Variants in SFTPA1 observed in about 807,000 individuals in gnomAD.
The protein encoded by SFTPA1 is surfactant protein A1, also known as pulmonary surfactant-associated protein A1.
Under a neutral mutation model 19.1 loss-of-function variants are expected in SFTPA1, and 13 were observed. The ratio of observed to expected loss-of-function variants is 0.68; its 90% CI spans 0.44 to 1.08. The LOEUF (loss-of-function observed/expected upper bound fraction) is 1.08, where lower values mean the gene tolerates loss of function less well. Among genes scored for constraint, SFTPA1 ranks in the 50% least tolerant of loss-of-function variants. SFTPA1 has a pLI of 0.00. For missense variants in SFTPA1, 259 were observed against 316.4 expected, an observed-to-expected ratio of 0.82 and a Z score of 1.38; for synonymous variants, 101 against 117.0, an observed-to-expected ratio of 0.86 and a Z score of 0.88.
At position 79,614,154 on chromosome 10, in the gene SFTPA1, C is replaced by T. The variant is rs1405601095; in HGVS notation, c.*41C>T. ...TGGGACAGGGAGGACGCTCTCTGGCCTTCGGCCTCCATCCTGAGGCTCCAC... is the reference window on the plus strand; with the variant it reads ...TGGGACAGGGAGGACGCTCTCTGGCTTTCGGCCTCCATCCTGAGGCTCCAC... On this transcript the variant is annotated 3_prime_UTR_variant, in exon 6 of 6. Coordinates refer to ENST00000398636, the MANE Select transcript of SFTPA1 (RefSeq NM_005411.5). 7 of 1,614,160 alleles carry T rather than the reference C, an allele frequency of 4.3e-6. No individual in the cohort carries two copies. The highest frequency in any genetic ancestry group is 1.3e-5 in the African/African-American group (1 of 75,070).
Position 79,613,243 on chromosome 10 carries a change from A to G in SFTPA1, c.347A>G (p.His116Arg). The G allele has an allele frequency of 6.2e-7, 1 of 1,614,062 alleles. No individual in the cohort carries two copies. The highest frequency in any genetic ancestry group is 1.3e-5 in the African/African-American group (1 of 75,026). Residue 116 changes from histidine (H) to arginine (R), a missense_variant, in exon 5 of 6, where the codon CAT becomes CGT. Physicochemically the swap from His to Arg is conservative, Grantham distance 29. Coordinates refer to ENST00000398636, the MANE Select transcript of SFTPA1 (RefSeq NM_005411.5). ...ELQATLHDFR[H>R]QILQTRGALS... ...CAAGCCACACTCCACGACTTTAGACATCAAATCCTGCAGACAAGGGGAGGT... is the reference window on the plus strand; with the variant it reads ...CAAGCCACACTCCACGACTTTAGACGTCAAATCCTGCAGACAAGGGGAGGT...
intron 4 of SFTPA1, 92 bp from the exon 5 acceptor site, chr10:79,613,097 T>A (rs1318069771): frequency 6.2e-7 from 1 of 1,609,338 alleles, no homozygotes; most frequent in Non-Finnish European, 8.5e-7. Context: ...AAGGGCAGAG[T>A]TCCAGGATTG....
chr10:79,614,855 C>T lies in SFTPA1; in HGVS notation c.*742C>T, dbSNP rs1860077846. ...ACCCGAGTAACTTTCAACTGATGAA[C>T]AAATCTGCACCCTACTTCAGATTTC... is the stretch of plus-strand genomic sequence containing the variant. On this transcript the variant is annotated 3_prime_UTR_variant, in exon 6 of 6. Transcript: ENST00000398636. 3.3e-6 allele frequency: 2 copies of T among 614,370 alleles called. No homozygotes were observed. The highest frequency in any genetic ancestry group is 3.5e-5 in the Admixed American group (1 of 28,968). The allele number at this position is 614,370 out of a possible 1,614,324, so 38.1% of individuals were successfully genotyped here. A position where few individuals can be genotyped will look rare whatever the true frequency, so the allele number is the denominator to read the frequency against.
chr10:79,613,023 G>T (rs1321689731), intron 4 of SFTPA1, among the ~76,000 whole-genome samples, 166 bp from the exon 5 acceptor site: 1 of 151,954 alleles, frequency 6.6e-6, no homozygotes, highest in Non-Finnish European at 1.5e-5. Flanking sequence ...ACGGGGTGTG[G>T]AGACACACTG....
intron 5 of SFTPA1, among the ~76,000 whole-genome samples, 170 bp downstream of exon 5, chr10:79,613,436 A>G (rs576442056): frequency 6.6e-6 from 1 of 152,326 alleles, no homozygotes; most frequent in East Asian, 1.9e-4. Flanking sequence ...GAGGAGACAG[A>G]AGCAGACACA....
Position 79,614,493 on chromosome 10 carries a change from C to T in SFTPA1, c.*380C>T, listed in dbSNP as rs1307923720. ...TCACACAAAGTGCCTGCCTCCTGGT[C>T]CCCTCAGCTCTCTCTCTGCAACCCA... On this transcript the variant is annotated 3_prime_UTR_variant, in exon 6 of 6. Transcript: ENST00000398636. 2 of 192,580 alleles carry T rather than the reference C, an allele frequency of 1.0e-5. No individual in the cohort carries two copies. Among genetic ancestry groups the T allele is most frequent in the Admixed American group, 1.3e-4 (2 of 15,254 alleles). The allele number at this position is 192,580 out of a possible 1,614,324, so 11.9% of individuals were successfully genotyped here.
Position 79,613,799 on chromosome 10 carries a change from T to C in SFTPA1, c.433T>C (p.Ser145Pro), listed in dbSNP as rs748598221. 16 of 1,613,954 alleles carry C rather than the reference T, an allele frequency of 9.9e-6. No individual in the cohort carries two copies. Among genetic ancestry groups the C allele is most frequent in the South Asian group, 6.6e-5 (6 of 91,060 alleles). The change falls in exon 6 of 6, where the codon TCC (serine) becomes CCC (proline). Residue 145 changes from serine (S) to proline (P), a missense_variant. By Grantham distance (74) the Ser-to-Pro change is moderately conservative. Coordinates refer to ENST00000398636, the MANE Select transcript of SFTPA1 (RefSeq NM_005411.5). ...GAAGGTCTTCTCCAGCAATGGGCAG[T>C]CCATCACTTTTGATGCCATTCAGGA... ...GEKVFSSNGQ[S>P]ITFDAIQEAC...
chr10:79,614,741 C>A lies in SFTPA1; in HGVS notation c.*628C>A. On this transcript the variant is annotated 3_prime_UTR_variant, in exon 6 of 6. Transcript: ENST00000398636. ...CATGATTGATGTGTACGATTCACTC[C>A]TTTGAGTCTTTGAATGGCAACTCAG... The A allele has an allele frequency of 5.9e-6, 2 of 336,226 alleles. No homozygotes were observed. The highest frequency in any genetic ancestry group is 1.2e-5 in the Non-Finnish European group (2 of 164,564). The allele number at this position is 336,226 out of a possible 1,614,324, so 20.8% of individuals were successfully genotyped here.
intron 3 of SFTPA1, 143 bp from the exon 4 acceptor site, chr10:79,612,169 C>A: frequency 6.3e-7 from 1 of 1,596,502 alleles, no homozygotes; most frequent in Admixed American, 1.7e-5. Flanking sequence ...GATGGCGCAT[C>A]CTGGAGAGTC....
chr10:79,613,499 C>T lies in SFTPA1; in HGVS notation c.370+233C>T, dbSNP rs4253599. On this transcript the variant is annotated intron_variant, in intron 5 of 5. Coordinates refer to ENST00000398636, the MANE Select transcript of SFTPA1 (RefSeq NM_005411.5). ...AGTTCTCCACCTGCCTTGCTTTCCA[C>T]TGAATTCCAGGAAATTGCACCATTT... Among the ~76,000 whole-genome samples the T allele has an allele frequency of 6.9e-3, 1,048 of 152,328 alleles. 6 individuals carry two copies. The highest frequency in any genetic ancestry group is 0.012 in the Non-Finnish European group (796 of 68,034).
At position 79,612,388 on chromosome 10, in the gene SFTPA1, A is replaced by C. The variant is rs1214577796; in HGVS notation, c.249A>C (p.Gly83=). The part of the protein sequence containing the change: ...DGLPGAPGIP[G]ECGEKGEPGE... ...TGCCTGGAGCCCCTGGTATCCCTGG[A>C]GAGTGTGGAGAGAAGGGGGAGCCTG... is the stretch of plus-strand genomic sequence containing the variant. Residue 83 remains glycine (G), a synonymous_variant, in exon 4 of 6, where the codon GGA becomes GGC. Coordinates refer to ENST00000398636, the MANE Select transcript of SFTPA1 (RefSeq NM_005411.5). 20 of 1,613,512 alleles carry C rather than the reference A, an allele frequency of 1.2e-5. No individual in the cohort carries two copies. The highest frequency in any genetic ancestry group is 1.7e-5 in the Non-Finnish European group (20 of 1,179,814).
intron 2 of SFTPA1, 53 bp from the exon 3 acceptor site, chr10:79,611,750 G>T: frequency 6.2e-7 from 1 of 1,612,998 alleles, no homozygotes; most frequent in South Asian, 1.1e-5. Context: ...AGAGCACAGT[G>T]GGGGAGATGT....
At chr10:79,613,386 A>G in intron 5 of SFTPA1, 120 bp downstream of exon 5, 3 of 1,472,284 alleles carry the variant, frequency 2.0e-6, no homozygotes, top group Non-Finnish European at 1.9e-6. Flanking sequence ...TCTTGGGGAA[A>G]GGAATGACGC....
Position 79,612,430 on chromosome 10 carries a change from A to T in SFTPA1, c.291A>T (p.Pro97=). The T allele has an allele frequency of 6.2e-7, 1 of 1,613,290 alleles. No individual in the cohort carries two copies. Among genetic ancestry groups the T allele is most frequent in the Non-Finnish European group, 8.5e-7 (1 of 1,179,506 alleles). The change falls in exon 4 of 6, where the codon CCA becomes CCT. Residue 97 remains proline (P), a splice_region_variant and synonymous_variant. Transcript: ENST00000398636. The part of the protein sequence containing the change: ...EKGEPGERGP[P]GLPAHLDEEL... ...GGGAGCCTGGCGAGAGGGGCCCTCC[A>T]GGTGAGCAGGGTGGGGCAGGTGGGC...
chr10:79,613,970 G>C lies in SFTPA1; in HGVS notation c.604G>C (p.Asp202His), dbSNP rs1214235486. The C allele has an allele frequency of 2.8e-5, 45 of 1,614,102 alleles. No individual in the cohort carries two copies. The highest frequency in any genetic ancestry group is 3.6e-5 in the Non-Finnish European group (43 of 1,180,034). ...GPSPGDFRYS[D>H]GTPVNYTNWY... ...CAGCCCTGGAGACTTCCGCTACTCA[G>C]ACGGGACCCCTGTAAACTACACCAA... Residue 202 changes from aspartate (D) to histidine (H), a missense_variant, in exon 6 of 6, where the codon GAC becomes CAC. By Grantham distance (81) the Asp-to-His change is moderately conservative. Coordinates refer to ENST00000398636, the MANE Select transcript of SFTPA1 (RefSeq NM_005411.5).
Position 79,613,205 on chromosome 10 carries a change from A to G in SFTPA1, c.309A>G (p.Leu103=). 2.5e-6 allele frequency: 4 copies of G among 1,614,024 alleles called. No individual in the cohort carries two copies. Among genetic ancestry groups the G allele is most frequent in the Non-Finnish European group, 3.4e-6 (4 of 1,179,956 alleles). Reference sequence around the variant, plus strand: ...TCTCCACAGGGCTTCCAGCTCATCTAGATGAGGAGCTCCAAGCCACACTCC... The same window carrying G: ...TCTCCACAGGGCTTCCAGCTCATCTGGATGAGGAGCTCCAAGCCACACTCC... ...ERGPPGLPAH[L]DEELQATLHD... is the part of the protein sequence containing the mutation. The change falls in exon 5 of 6, where the codon CTA becomes CTG. Residue 103 remains leucine (L), a synonymous_variant. Transcript: ENST00000398636.
At position 79,611,912 on chromosome 10, in the gene SFTPA1, C is replaced by T. The variant is rs2132122357; in HGVS notation, c.87C>T (p.Ser29=). The T allele has an allele frequency of 6.2e-7, 1 of 1,613,960 alleles. No homozygotes were observed. Among genetic ancestry groups the T allele is most frequent in the Non-Finnish European group, 8.5e-7 (1 of 1,179,862 alleles). Residue 29 remains serine (S), a synonymous_variant, in exon 3 of 6, where the codon AGC becomes AGT. Coordinates refer to ENST00000398636, the MANE Select transcript of SFTPA1 (RefSeq NM_005411.5). ...VCEVKDVCVG[S]PGIPGTPGSH... ...AAGTGAAGGACGTTTGTGTTGGAAG[C>T]CCTGGTATCCCCGGCACTCCTGGAT...
In SFTPA1 at chr10:79,613,815, C is replaced by T. The variant is rs749618655; in HGVS notation, c.449C>T (p.Ala150Val). 15 of 1,613,918 alleles carry T rather than the reference C, an allele frequency of 9.3e-6. 1 individual carries two copies. The South Asian group carries it at 1.5e-4, about 17-fold the overall frequency. Reference protein sequence around the residue: ...SSNGQSITFDAIQEACARAGG... With the variant: ...SSNGQSITFDVIQEACARAGG... ...AATGGGCAGTCCATCACTTTTGATG[C>T]CATTCAGGAGGCATGTGCCAGAGCA... The change falls in exon 6 of 6, where the codon GCC (alanine) becomes GTC (valine). Residue 150 changes from alanine to valine, a missense_variant. Physicochemically the swap from Ala to Val is moderately conservative, Grantham distance 64. Transcript: ENST00000398636.
chr10:79,612,973 G>T (rs1234066957), intron 4 of SFTPA1, among the ~76,000 whole-genome samples: 2 of 151,934 alleles, frequency 1.3e-5, no homozygotes, highest in Non-Finnish European at 1.5e-5. Flanking sequence ...AGGGGTGGGG[G>T]TCTCAGCAGG....
Sources: gnomAD v4.1 joint callset for allele counts (sites outside exome capture counted in the v4.1 genomes callset) on GRCh38, gnomAD v4.1.1 for gene constraint, MANE v1.5 for transcripts, NCBI Gene and HGNC (gene_info 2026-07-23, HGNC 2026-07-21) for gene names.